Variants in QKI observed in about 807,000 individuals in gnomAD.
The protein encoded by QKI is QKI, KH domain containing RNA binding, also known as KH domain-containing RNA-binding protein QKI.
In QKI, 10 loss-of-function variants were observed where a neutral mutation model predicts 39.0. The observed-to-expected ratio is 0.26, with a 90% CI of 0.16 to 0.43. The LOEUF (loss-of-function observed/expected upper bound fraction) is 0.43, where lower values mean the gene tolerates loss of function less well. Ranked by LOEUF, QKI falls within the 20% of genes least tolerant of loss-of-function variation. QKI has a pLI of 1.00. For missense variants in QKI, 218 were observed against 428.0 expected (o/e 0.51, Z 4.33); for synonymous variants, 204 against 155.4 (o/e 1.31, Z -2.33).
At chr6:163,562,095 G>T in intron 5 of QKI, 26 bp downstream of exon 5, 1 of 1,561,686 alleles carries the variant, frequency 6.4e-7, no homozygotes, top group Non-Finnish European at 8.7e-7. Flanking sequence ...GAGGCCCAGG[G>T]TTACTGCTGT....
At chr6:163,421,056 A>G (rs1313078263) in intron 1 of QKI, among the ~76,000 whole-genome samples, 1 of 149,726 alleles carries the variant, frequency 6.7e-6, no homozygotes, top group Non-Finnish European at 1.5e-5. Flanking sequence ...AAGATAGGGT[A>G]TGTGCACATG....
chr6:163,511,693 G>T (rs2128235221), intron 3 of QKI, among the ~76,000 whole-genome samples: 1 of 151,932 alleles, frequency 6.6e-6, no homozygotes, highest in African/African-American at 2.4e-5. Context: ...AGCTGAATTT[G>T]CAATTAAAAA....
chr6:163,431,269 A>G (rs908773602), intron 1 of QKI, among the ~76,000 whole-genome samples: 3 of 152,192 alleles, frequency 2.0e-5, no homozygotes, highest in Non-Finnish European at 4.4e-5. Context: ...TCTGGCTTTC[A>G]TTAAATAACA....
intron 3 of QKI, among the ~76,000 whole-genome samples, chr6:163,510,391 T>A (rs549383851): frequency 6.6e-6 from 1 of 151,726 alleles, no homozygotes; most frequent in East Asian, 1.9e-4. Context: ...AAACCCTGCC[T>A]CTACTTAAAA....
intron 1 of QKI, among the ~76,000 whole-genome samples, chr6:163,417,278 T>C (rs1246899394): frequency 1.3e-5 from 2 of 152,118 alleles, no homozygotes; most frequent in Non-Finnish European, 2.9e-5. Flanking sequence ...TGCAGTTGTT[T>C]AGAAGGAATC....
At chr6:163,555,222 G>T (rs968858198) in intron 4 of QKI, among the ~76,000 whole-genome samples, 3 of 152,092 alleles carry the variant, frequency 2.0e-5, no homozygotes, top group Middle Eastern at 3.4e-3. Flanking sequence ...GGCTTTGGGG[G>T]TTACAAGGAA....
At chr6:163,557,204 T>C (rs1277971448) in intron 4 of QKI, among the ~76,000 whole-genome samples, 2 of 152,184 alleles carry the variant, frequency 1.3e-5, no homozygotes, top group African/African-American at 4.8e-5. Flanking sequence ...GGAAAGAAAT[T>C]GAACACAAAA....
At chr6:163,516,492 A>G (rs1470547568) in intron 3 of QKI, among the ~76,000 whole-genome samples, 1 of 152,016 alleles carries the variant, frequency 6.6e-6, no homozygotes, top group Non-Finnish European at 1.5e-5. Flanking sequence ...ACAGGGTTTC[A>G]CCATGTTGGC....
chr6:163,463,223 C>A (rs576044590), intron 2 of QKI, among the ~76,000 whole-genome samples: 23 of 152,240 alleles, frequency 1.5e-4, no homozygotes, highest in African/African-American at 5.3e-4. Flanking sequence ...ATGTTAAGGT[C>A]ATTAGAAGAG....
intron 3 of QKI, among the ~76,000 whole-genome samples, chr6:163,491,767 T>C (rs937808431): frequency 1.3e-5 from 2 of 152,176 alleles, no homozygotes; most frequent in African/African-American, 4.8e-5. Flanking sequence ...TTATTAAAAT[T>C]TGTGAGACAC....
chr6:163,534,314 T>C (rs1036226936), intron 3 of QKI, among the ~76,000 whole-genome samples: 1 of 152,232 alleles, frequency 6.6e-6, no homozygotes, highest in Non-Finnish European at 1.5e-5. Flanking sequence ...TTTTAAGGTA[T>C]GGTCTGATGG....
chr6:163,456,064 T>C (rs1042612574), intron 2 of QKI, among the ~76,000 whole-genome samples: 4 of 152,202 alleles, frequency 2.6e-5, no homozygotes, highest in Non-Finnish European at 5.9e-5. Context: ...TGACCCTCTT[T>C]TGGCTTTTAG....
At chr6:163,419,404 A>G (rs1349549986) in intron 1 of QKI, among the ~76,000 whole-genome samples, 1 of 152,086 alleles carries the variant, frequency 6.6e-6, no homozygotes, top group African/African-American at 2.4e-5. Flanking sequence ...TTCTTACAAA[A>G]AGGTTTTCTT....
intron 4 of QKI, among the ~76,000 whole-genome samples, chr6:163,548,764 G>T (rs1583202845): frequency 6.6e-6 from 1 of 152,160 alleles, no homozygotes; most frequent in Non-Finnish European, 1.5e-5. Flanking sequence ...AGTGAGCCAG[G>T]TTTATTTTCA....
chr6:163,569,978 A>G, intron 7 of QKI: 3 of 986,344 alleles, frequency 3.0e-6, no homozygotes, highest in Non-Finnish European at 3.6e-6. Context: ...TTTCAACTGG[A>G]AAGTGTTGGC....
chr6:163,417,135 C>A (rs1401006743), intron 1 of QKI, among the ~76,000 whole-genome samples: 4 of 152,080 alleles, frequency 2.6e-5, no homozygotes, highest in African/African-American at 9.7e-5. Flanking sequence ...AAAATACTTT[C>A]CTTAAAATTA....
chr6:163,565,487 C>T, intron 6 of QKI: 3 of 987,174 alleles, frequency 3.0e-6, no homozygotes, highest in Non-Finnish European at 3.6e-6. Context: ...TTAGAAATAG[C>T]AAGAGGCACT....
At chr6:163,418,131 T>G (rs1469308097) in intron 1 of QKI, among the ~76,000 whole-genome samples, 4 of 152,068 alleles carry the variant, frequency 2.6e-5, no homozygotes, top group African/African-American at 9.7e-5. Context: ...GCTGAAAAAT[T>G]ACTTTTAAAT....
intron 3 of QKI, among the ~76,000 whole-genome samples, chr6:163,508,309 C>T (rs1041919207): frequency 6.6e-6 from 1 of 151,866 alleles, no homozygotes; most frequent in Non-Finnish European, 1.5e-5. Flanking sequence ...GTAGAATGAA[C>T]ACAAGGAAGA....
Sources: gnomAD v4.1 joint callset for allele counts (sites outside exome capture counted in the v4.1 genomes callset) on GRCh38, gnomAD v4.1.1 for gene constraint, MANE v1.5 for transcripts, NCBI Gene and HGNC (gene_info 2026-07-23, HGNC 2026-07-21) for gene names.